CCDC60: variants seen among roughly 807,000 people sequenced by gnomAD.
CCDC60 encodes coiled-coil domain-containing protein 60.
In CCDC60, 54 loss-of-function variants were observed where a neutral mutation model predicts 63.5. That is an observed-to-expected ratio of 0.85 (90% CI 0.68 to 1.07). The LOEUF (loss-of-function observed/expected upper bound fraction) is 1.07. Among genes scored for constraint, CCDC60 ranks in the 50% least tolerant of loss-of-function variants. The pLI, the probability that CCDC60 is intolerant of heterozygous loss-of-function variation, is 0.00. For synonymous variants in CCDC60, 206 were observed against 238.8 expected (o/e 0.86, Z 1.27); for missense variants, 651 against 684.3 (o/e 0.95, Z 0.54).
chr12:119,387,887 T>C lies in CCDC60; in HGVS notation c.91-40796T>C, dbSNP rs374902794. 4.6e-5 allele frequency: 7 copies of C among 152,320 alleles called. No homozygotes were observed. In the East Asian group the frequency reaches 1.2e-3, roughly 25 times the overall value. 9.4% of individuals were successfully genotyped at this position (152,320 alleles called of 1,614,324 possible). ...ACATGCAATGCTATAATAAAATACTTGTACATTGCCTATTTGGACACATAA... is the reference window on the plus strand; with the variant it reads ...ACATGCAATGCTATAATAAAATACTCGTACATTGCCTATTTGGACACATAA... On this transcript the variant is annotated intron_variant, in intron 1 of 13. Transcript: ENST00000327554.
At chr12:119,470,448 C>T (rs1290436489) in intron 2 of CCDC60, among the ~76,000 whole-genome samples, 1 of 152,232 alleles carries the variant, frequency 6.6e-6, no homozygotes, top group Non-Finnish European at 1.5e-5. Context: ...TATCACTTAG[C>T]TGCCACCCAT....
chr12:119,391,253 A>G (rs1162824330), intron 1 of CCDC60, among the ~76,000 whole-genome samples: 1 of 152,128 alleles, frequency 6.6e-6, no homozygotes, highest in Non-Finnish European at 1.5e-5. Context: ...TTTTCCAAGT[A>G]TGTGTCTATG....
At position 119,456,204 on chromosome 12, in the gene CCDC60, G is replaced by T. The variant is rs1224897435; in HGVS notation, c.171-15790G>T. 6.6e-6 allele frequency among the ~76,000 whole-genome samples: 1 copy of T among 152,136 alleles called. No homozygotes were observed. Among genetic ancestry groups the T allele is most frequent in the Admixed American group, 6.5e-5 (1 of 15,278 alleles). Reference sequence around the variant, plus strand: ...CAGGACTTCACCCTGAGAACAGTAGGAAGCCATTAGAGGATTTTGAGCATT... The same window carrying T: ...CAGGACTTCACCCTGAGAACAGTAGTAAGCCATTAGAGGATTTTGAGCATT... On this transcript the variant is annotated intron_variant, in intron 2 of 13. Coordinates refer to ENST00000327554, the MANE Select transcript of CCDC60 (RefSeq NM_178499.5). The surrounding 1 kb of genome is among the most constrained non-coding windows in gnomAD (Gnocchi z 4.6).
chr12:119,352,719 T>G (rs1440762309), intron 1 of CCDC60, among the ~76,000 whole-genome samples: 2 of 152,046 alleles, frequency 1.3e-5, no homozygotes, highest in Non-Finnish European at 2.9e-5. Context: ...GGTGGATCAC[T>G]GAAGGTCAGG....
intron 1 of CCDC60, among the ~76,000 whole-genome samples, chr12:119,400,506 C>T (rs1193283104): frequency 2.0e-5 from 3 of 152,256 alleles, no homozygotes; most frequent in African/African-American, 7.2e-5. Context: ...TAGTCTTTCA[C>T]ATATGTGATA....
rs377413915 is a variant in CCDC60 at position 119,453,898 on chromosome 12, GTGA to G, written c.171-18071_171-18069del. Among the ~76,000 whole-genome samples, 276 of 151,908 alleles carry G rather than the reference GTGA, an allele frequency of 1.8e-3. 4 individuals carry two copies. The highest frequency in any genetic ancestry group is 0.017 in the South Asian group (83 of 4,790). On this transcript the variant is annotated intron_variant, in intron 2 of 13. Coordinates refer to ENST00000327554, the MANE Select transcript of CCDC60 (RefSeq NM_178499.5). ...AGAAGTCGATGATAATTTGATGATT[GTGA>G]TGATGATGATGATGATGATGATGAA... is the stretch of plus-strand genomic sequence containing the variant.
At position 119,505,158 on chromosome 12, in the gene CCDC60, G is replaced by A. The variant is rs754633359; in HGVS notation, c.738G>A (p.Gly246=). 3 of 1,614,074 alleles carry A rather than the reference G, an allele frequency of 1.9e-6. No homozygotes were observed. Among genetic ancestry groups the A allele is most frequent in the Non-Finnish European group, 1.7e-6 (2 of 1,180,014 alleles). ...GSTLSLSRAS[G]GSSPQSSMIS... ...CACTCAGTCTGAGTCGGGCCAGTGGGGGGTCCTCTCCCCAGAGCAGCATGA... is the reference window on the plus strand; with the variant it reads ...CACTCAGTCTGAGTCGGGCCAGTGGAGGGTCCTCTCCCCAGAGCAGCATGA... Residue 246 remains glycine (G), a synonymous_variant, in exon 7 of 14, where the codon GGG becomes GGA. Transcript: ENST00000327554.
chr12:119,539,981 C>A (rs1368973810), intron 13 of CCDC60, among the ~76,000 whole-genome samples: 1 of 152,182 alleles, frequency 6.6e-6, no homozygotes, highest in Non-Finnish European at 1.5e-5. Context: ...CAACACCCCA[C>A]CCTGCTTCAG....
chr12:119,461,283 A>C (rs1206001399), intron 2 of CCDC60, among the ~76,000 whole-genome samples: 4 of 152,000 alleles, frequency 2.6e-5, no homozygotes, highest in Non-Finnish European at 1.5e-5. Flanking sequence ...AGGAACTAAT[A>C]TTTTCCCCAT....
At chr12:119,376,492 G>A (rs142704970) in intron 1 of CCDC60, among the ~76,000 whole-genome samples, 10 of 152,270 alleles carry the variant, frequency 6.6e-5, no homozygotes, top group Non-Finnish European at 8.8e-5. Context: ...GTCAGGCATG[G>A]TGGCACGCAC....
At chr12:119,408,752 G>C (rs1565992984) in intron 1 of CCDC60, among the ~76,000 whole-genome samples, 1 of 152,092 alleles carries the variant, frequency 6.6e-6, no homozygotes, top group Non-Finnish European at 1.5e-5. Flanking sequence ...TGTGAACCTG[G>C]AGGCAGAGCT....
At chr12:119,460,318 C>G (rs1484451353) in intron 2 of CCDC60, among the ~76,000 whole-genome samples, 1 of 152,200 alleles carries the variant, frequency 6.6e-6, no homozygotes, top group African/African-American at 2.4e-5. Flanking sequence ...GAGGCAACTT[C>G]TTTCTTAATA....
intron 8 of CCDC60, among the ~76,000 whole-genome samples, chr12:119,518,900 A>G (rs1034228732): frequency 3.9e-5 from 6 of 152,222 alleles, no homozygotes; most frequent in African/African-American, 9.6e-5. Context: ...CCTGGCTCTC[A>G]TGAGACCATC....
At chr12:119,389,457 C>G (rs965406888) in intron 1 of CCDC60, among the ~76,000 whole-genome samples, 10 of 152,042 alleles carry the variant, frequency 6.6e-5, no homozygotes, top group Non-Finnish European at 1.3e-4. Context: ...TTGCTGACTC[C>G]AACTCTATAT....
intron 1 of CCDC60, among the ~76,000 whole-genome samples, chr12:119,352,309 G>A (rs4132744): frequency 0.096 from 14,581 of 152,172 alleles, 1,449 homozygotes; most frequent in East Asian, 0.54. Context: ...GGGGACATGG[G>A]TCCAAACCAT....
intron 4 of CCDC60, among the ~76,000 whole-genome samples, chr12:119,488,037 A>G (rs1315055400): frequency 2.6e-5 from 4 of 151,896 alleles, no homozygotes; most frequent in Admixed American, 1.3e-4. Context: ...GCTAGTCTCA[A>G]ACTCCTGAGA....
chr12:119,361,004 C>T (rs1326511541), intron 1 of CCDC60, among the ~76,000 whole-genome samples: 1 of 151,944 alleles, frequency 6.6e-6, no homozygotes, highest in East Asian at 1.9e-4. Flanking sequence ...GGCGTGGCGG[C>T]GTGCGCCTGC....
intron 2 of CCDC60, among the ~76,000 whole-genome samples, chr12:119,438,269 A>T (rs924806937): frequency 1.3e-5 from 2 of 152,022 alleles, no homozygotes; most frequent in Non-Finnish European, 2.9e-5. Context: ...TGCCTTGGAG[A>T]CCCCAGTAAA....
intron 4 of CCDC60, among the ~76,000 whole-genome samples, chr12:119,486,522 T>C (rs1014878198): frequency 6.6e-6 from 1 of 152,192 alleles, no homozygotes; most frequent in African/African-American, 2.4e-5. Context: ...ACAAATGTTT[T>C]ATTTAATAAA....
Sources: allele counts gnomAD v4.1 joint callset (sites outside exome capture counted in the v4.1 genomes callset), GRCh38; gene constraint gnomAD v4.1.1; non-coding constraint Gnocchi (gnomAD v3.1); transcripts MANE v1.5; gene names NCBI Gene and HGNC (gene_info 2026-07-23, HGNC 2026-07-21).